MARCHF1: variants seen among roughly 807,000 people sequenced by gnomAD.
MARCHF1 encodes the protein E3 ubiquitin-protein ligase MARCHF1.
Under a neutral mutation model 54.2 loss-of-function variants are expected in MARCHF1, and 40 were observed. The ratio of observed to expected loss-of-function variants is 0.74; its 90% CI spans 0.57 to 0.96. The LOEUF is 0.96. Ranked by LOEUF, MARCHF1 falls within the 40% of genes least tolerant of loss-of-function variation. The pLI is 0.00. For synonymous variants in MARCHF1, 236 were observed against 236.3 expected (o/e 1.00, Z 0.01); for missense variants, 586 against 656.5 (o/e 0.89, Z 1.17).
intron 4 of MARCHF1, among the ~76,000 whole-genome samples, chr4:163,853,104 TA>T (rs1464578460): frequency 1.3e-5 from 2 of 152,168 alleles, no homozygotes; most frequent in Non-Finnish European, 2.9e-5. Context: ...TTGTTTTTTA[TA>T]AGTTACCAGT....
chr4:163,995,112 T>A (rs1460524294), intron 2 of MARCHF1, among the ~76,000 whole-genome samples: 1 of 151,972 alleles, frequency 6.6e-6, no homozygotes, highest in African/African-American at 2.4e-5. Flanking sequence ...TCCCCCAACC[T>A]TCAGACACCA....
rs1305539527 is a variant in MARCHF1 at position 163,642,770 on chromosome 4, A to T, written c.163-29377T>A. ...CTGAGTCTGTCAAAATAATCTTCCTAAAAACACCTGTATCTATGGAGTGCT... is the reference window on the plus strand; with the variant it reads ...CTGAGTCTGTCAAAATAATCTTCCTTAAAACACCTGTATCTATGGAGTGCT... On this transcript the variant is annotated intron_variant, in intron 5 of 9. Coordinates refer to ENST00000514618, the MANE Select transcript of MARCHF1 (RefSeq NM_001394959.1). Among the ~76,000 whole-genome samples, 6 of 152,272 alleles carry T rather than the reference A, an allele frequency of 3.9e-5. No individual in the cohort carries two copies. The South Asian group carries it at 6.2e-4, about 16-fold the overall frequency.
intron 5 of MARCHF1, among the ~76,000 whole-genome samples, chr4:163,613,810 C>T (rs1741429650): frequency 6.6e-6 from 1 of 152,090 alleles, no homozygotes; most frequent in Non-Finnish European, 1.5e-5. Context: ...CATTAGGTTG[C>T]TAGATACTTC....
In MARCHF1 at chr4:163,593,840, G is replaced by A. The variant is rs535916157; in HGVS notation, c.1011-7911C>T. 2.0e-4 allele frequency among the ~76,000 whole-genome samples: 30 copies of A among 152,248 alleles called. 1 individual carries two copies. In the South Asian group the frequency reaches 5.4e-3, roughly 27 times the overall value. On this transcript the variant is annotated intron_variant, in intron 7 of 9. Transcript: ENST00000514618. ...GTTTTACAGCAGTTCCAACCACATT[G>A]AGTGAAGAATGATCAACTTTTATTC...
intron 1 of MARCHF1, among the ~76,000 whole-genome samples, chr4:164,207,666 C>A (rs779296788): frequency 2.0e-5 from 3 of 152,080 alleles, no homozygotes; most frequent in African/African-American, 7.2e-5. Context: ...ACCACAGCAG[C>A]GAAGCCAAGG....
intron 5 of MARCHF1, among the ~76,000 whole-genome samples, chr4:163,631,749 G>A (rs1742091921): frequency 1.3e-5 from 2 of 152,126 alleles, no homozygotes. Context: ...TATGACATTG[G>A]ATTTGGCAAT....
intron 5 of MARCHF1, among the ~76,000 whole-genome samples, chr4:163,636,017 A>C (rs1347011702): frequency 7.2e-5 from 11 of 152,218 alleles, no homozygotes; most frequent in Non-Finnish European, 1.3e-4. Context: ...CAATAGATGC[A>C]GAAAAGGCCT....
intron 5 of MARCHF1, among the ~76,000 whole-genome samples, chr4:163,681,849 G>C (rs1744115475): frequency 6.6e-6 from 1 of 152,194 alleles, no homozygotes; most frequent in African/African-American, 2.4e-5. Context: ...TTGCTGTAAG[G>C]ATACCAGAAA....
chr4:164,305,231 C>G (rs1206852491), intron 1 of MARCHF1, among the ~76,000 whole-genome samples: 2 of 152,026 alleles, frequency 1.3e-5, no homozygotes, highest in African/African-American at 4.8e-5. Context: ...AAATACTAAC[C>G]AAATAAATGC....
At chr4:163,730,244 G>C (rs184725515) in intron 4 of MARCHF1, among the ~76,000 whole-genome samples, 1 of 152,136 alleles carries the variant, frequency 6.6e-6, no homozygotes, top group East Asian at 1.9e-4. Flanking sequence ...TTGGTGTTGT[G>C]TCAGATTGCT....
intron 2 of MARCHF1, among the ~76,000 whole-genome samples, chr4:164,015,791 C>T (rs750028817): frequency 1.3e-5 from 2 of 151,558 alleles, no homozygotes; most frequent in Admixed American, 6.6e-5. Flanking sequence ...GGCTTATATC[C>T]GAAAGACAAG....
At chr4:163,961,835 T>C (rs1353552147) in intron 3 of MARCHF1, among the ~76,000 whole-genome samples, 1 of 151,876 alleles carries the variant, frequency 6.6e-6, no homozygotes, top group Non-Finnish European at 1.5e-5. Context: ...ATTTTCATGA[T>C]TATGCTTGGA....
At chr4:164,175,407 ATTTCC>A (rs1268781633) in intron 1 of MARCHF1, among the ~76,000 whole-genome samples, 1 of 152,118 alleles carries the variant, frequency 6.6e-6, no homozygotes, top group Non-Finnish European at 1.5e-5. Flanking sequence ...TCTCAATACT[ATTTCC>A]TTTACTTTTT....
At chr4:163,876,680 T>C (rs1285908086) in intron 3 of MARCHF1, among the ~76,000 whole-genome samples, 2 of 152,130 alleles carry the variant, frequency 1.3e-5, no homozygotes, top group African/African-American at 4.8e-5. Context: ...TGGAAATAGA[T>C]GGTATTGCCA....
At chr4:164,058,184 C>T (rs143921144) in intron 2 of MARCHF1, among the ~76,000 whole-genome samples, 4,599 of 151,964 alleles carry the variant, frequency 0.03, 82 homozygotes, top group Non-Finnish European at 0.041. Context: ...GATGGGTTGA[C>T]GGGTGCAACA....
intron 3 of MARCHF1, among the ~76,000 whole-genome samples, chr4:163,971,911 C>G (rs918501646): frequency 1.3e-5 from 2 of 152,084 alleles, no homozygotes; most frequent in Non-Finnish European, 2.9e-5. Flanking sequence ...ATGTTTACTG[C>G]GGCACTATTC....
Position 164,165,293 on chromosome 4 carries a change from G to A in MARCHF1, c.-322-53631C>T, listed in dbSNP as rs192881227. Among the ~76,000 whole-genome samples, 3 of 152,138 alleles carry A rather than the reference G, an allele frequency of 2.0e-5. No individual in the cohort carries two copies. In the East Asian group the frequency reaches 5.8e-4, roughly 29 times the overall value. ...AATAAATAAGTTTGAATGAGGTCATGAGGGTGGGGTCCTAATTTGATAAAA... is the reference window on the plus strand; with the variant it reads ...AATAAATAAGTTTGAATGAGGTCATAAGGGTGGGGTCCTAATTTGATAAAA... On this transcript the variant is annotated intron_variant, in intron 1 of 9. Transcript: ENST00000514618.
At chr4:163,534,024 C>T (rs1738448993) in intron 9 of MARCHF1, among the ~76,000 whole-genome samples, 1 of 151,960 alleles carries the variant, frequency 6.6e-6, no homozygotes, top group Non-Finnish European at 1.5e-5. Context: ...AAACTTTATC[C>T]AAAGTCCTAT....
chr4:164,383,000 T>C (rs1731420260), intron 1 of MARCHF1, among the ~76,000 whole-genome samples: 1 of 152,224 alleles, frequency 6.6e-6, no homozygotes, highest in Non-Finnish European at 1.5e-5. Flanking sequence ...TCCATTCACC[T>C]GTCACAAATC....
Sources: gnomAD v4.1 joint callset for allele counts (sites outside exome capture counted in the v4.1 genomes callset) on GRCh38, gnomAD v4.1.1 for gene constraint, MANE v1.5 for transcripts, NCBI Gene and HGNC (gene_info 2026-07-23, HGNC 2026-07-21) for gene names.